THSD7A: variants seen among roughly 807,000 people sequenced by gnomAD.
The protein encoded by THSD7A is thrombospondin type-1 domain-containing protein 7A.
A neutral mutation model predicts 231.3 loss-of-function variants in THSD7A; 96 were observed. The observed-to-expected ratio is 0.41, with a 90% CI of 0.35 to 0.49. THSD7A has a LOEUF of 0.49. Among genes scored for constraint, THSD7A ranks in the 20% least tolerant of loss-of-function variants. The probability of loss-of-function intolerance (pLI) is 0.05; values close to 1 mark genes in which losing one functional copy is unlikely to be tolerated. For missense variants in THSD7A, 2,290 were observed against 2,070.2 expected, an observed-to-expected ratio of 1.11 and a Z score of -2.06; for synonymous variants, 940 against 743.3, an observed-to-expected ratio of 1.26 and a Z score of -4.30.
intron 2 of THSD7A, among the ~76,000 whole-genome samples, chr7:11,609,337 C>G (rs1164302483): frequency 1.3e-5 from 2 of 152,018 alleles, no homozygotes; most frequent in African/African-American, 2.4e-5. Flanking sequence ...TGCCCCGGCC[C>G]ATGAAACCTT....
intron 1 of THSD7A, among the ~76,000 whole-genome samples, chr7:11,714,129 G>T (rs1781055385): frequency 6.6e-6 from 1 of 151,216 alleles, no homozygotes; most frequent in South Asian, 2.1e-4. Flanking sequence ...TGTTTTCAAG[G>T]CACTTGTAGT....
At position 11,515,481 on chromosome 7, in the gene THSD7A, C is replaced by T. The variant is rs186587438; in HGVS notation, c.1822+25938G>A. Among the ~76,000 whole-genome samples, 573 of 152,046 alleles carry T rather than the reference C, an allele frequency of 3.8e-3. 4 individuals carry two copies. Among genetic ancestry groups the T allele is most frequent in the Middle Eastern group, 6.8e-3 (2 of 294 alleles). On this transcript the variant is annotated intron_variant, in intron 6 of 27. Transcript: ENST00000423059. ...GCAGATAATTTAATAATCCATAGTG[C>T]CATAAATAAGCACAATATCAACAAT...
intron 4 of THSD7A, among the ~76,000 whole-genome samples, chr7:11,588,620 AGC>A (rs1780016379): frequency 6.6e-6 from 1 of 151,688 alleles, no homozygotes; most frequent in Admixed American, 6.6e-5. Flanking sequence ...GGTTGGGGGG[AGC>A]TCTAAAAGAA....
At chr7:11,690,033 A>G (rs929843961) in intron 1 of THSD7A, among the ~76,000 whole-genome samples, 3 of 151,924 alleles carry the variant, frequency 2.0e-5, no homozygotes, top group African/African-American at 7.2e-5. Context: ...TAAGTACTCA[A>G]TATGACCATA....
intron 1 of THSD7A, among the ~76,000 whole-genome samples, chr7:11,678,881 CAG>C (rs1307635342): frequency 2.0e-5 from 3 of 152,128 alleles, no homozygotes; most frequent in Admixed American, 6.5e-5. Flanking sequence ...CAAAACCTGG[CAG>C]AGTCATAACA....
At chr7:11,768,703 T>C (rs942800560) in intron 1 of THSD7A, among the ~76,000 whole-genome samples, 1 of 152,198 alleles carries the variant, frequency 6.6e-6, no homozygotes, top group African/African-American at 2.4e-5. Flanking sequence ...TATACCTTAG[T>C]TTGATAAGAA....
intron 11 of THSD7A, among the ~76,000 whole-genome samples, chr7:11,447,692 G>A (rs1387345232): frequency 6.6e-6 from 1 of 152,070 alleles, no homozygotes; most frequent in East Asian, 1.9e-4. Flanking sequence ...TTAATTATAT[G>A]TATTCAGGGT....
chr7:11,720,991 A>G (rs1781331212), intron 1 of THSD7A, among the ~76,000 whole-genome samples: 1 of 151,672 alleles, frequency 6.6e-6, no homozygotes, highest in Non-Finnish European at 1.5e-5. Context: ...GAGTGATTTC[A>G]TATAATCTTG....
chr7:11,549,809 T>A, intron 4 of THSD7A, among the ~76,000 whole-genome samples: 1 of 152,024 alleles, frequency 6.6e-6, no homozygotes, highest in Non-Finnish European at 1.5e-5. Flanking sequence ...AAATATCTAA[T>A]ATATGTTGGG....
intron 7 of THSD7A, among the ~76,000 whole-genome samples, chr7:11,479,887 AT>A (rs1786351727): frequency 6.6e-6 from 1 of 152,202 alleles, no homozygotes; most frequent in Non-Finnish European, 1.5e-5. Flanking sequence ...ACAATAATGT[AT>A]TATATATTTC....
Position 11,637,541 on chromosome 7 carries a change from C to CA in THSD7A, c.191-581dup, listed in dbSNP as rs71027420. The stretch of plus-strand genomic sequence containing the variant: ...CTCTCTGGTTATCAAAACTAAGAAG[C>CA]AAAAATCTTCATTTACACACATTCT... On this transcript the variant is annotated intron_variant, in intron 1 of 27. Transcript: ENST00000423059. The surrounding 1 kb of genome is among the most constrained non-coding windows in gnomAD (Gnocchi z 4.2). Among the ~76,000 whole-genome samples, 35,992 of 151,992 alleles carry CA rather than the reference C, an allele frequency of 0.24. 4,593 individuals carry two copies. Among genetic ancestry groups the CA allele is most frequent in the Admixed American group, 0.31 (4,767 of 15,270 alleles).
At chr7:11,437,593 C>A (rs7807165) in intron 13 of THSD7A, among the ~76,000 whole-genome samples, 32,338 of 151,962 alleles carry the variant, frequency 0.21, 3,999 homozygotes, top group African/African-American at 0.35. Context: ...ATCTGAAATG[C>A]ATTAGACATT....
chr7:11,416,360 AAT>A (rs1433958842), intron 17 of THSD7A, among the ~76,000 whole-genome samples: 10 of 152,224 alleles, frequency 6.6e-5, no homozygotes, highest in Non-Finnish European at 1.2e-4. Context: ...ATCTCTTCAT[AAT>A]ATGATATCTG....
At chr7:11,466,786 C>G (rs1351135163) in intron 9 of THSD7A, among the ~76,000 whole-genome samples, 1 of 152,068 alleles carries the variant, frequency 6.6e-6, no homozygotes. Flanking sequence ...CATTTTTGCA[C>G]TCTCTTGCCA....
At chr7:11,633,288 G>C (rs907112537) in intron 2 of THSD7A, among the ~76,000 whole-genome samples, 1 of 152,090 alleles carries the variant, frequency 6.6e-6, no homozygotes. Context: ...TGGTTTACAG[G>C]GAAGCTTCCT....
rs1782135205 is a variant in THSD7A, at chr7:11,373,365, G to C, written c.*2429C>G. ...CTTTCTTAACTATTTTGGACAAATG[G>C]AGTTTATTTTATTCAAAGAGATCAA... On this transcript the variant is annotated 3_prime_UTR_variant, in exon 28 of 28. Transcript: ENST00000423059. The C allele has an allele frequency of 6.6e-6, 1 of 151,834 alleles. No homozygotes were observed. The allele number at this position is 151,834 out of a possible 1,614,324, so 9.4% of individuals were successfully genotyped here.
chr7:11,383,955 A>G (rs2115306312), intron 23 of THSD7A: 1 of 152,126 alleles, frequency 6.6e-6, no homozygotes, highest in East Asian at 1.9e-4. Context: ...TAAGATTGCA[A>G]TAAGATGAAT....
At chr7:11,768,327 T>C (rs1391238210) in intron 1 of THSD7A, among the ~76,000 whole-genome samples, 3 of 152,066 alleles carry the variant, frequency 2.0e-5, no homozygotes, top group Non-Finnish European at 4.4e-5. Flanking sequence ...CCTAATAAGT[T>C]CTCCGTGTTT....
intron 2 of THSD7A, among the ~76,000 whole-genome samples, chr7:11,598,841 A>T (rs1472146630): frequency 2.6e-5 from 4 of 152,118 alleles, no homozygotes; most frequent in Non-Finnish European, 4.4e-5. Context: ...TAGAGGTCTT[A>T]GTTCCAGAGA....
Sources: allele counts gnomAD v4.1 joint callset (sites outside exome capture counted in the v4.1 genomes callset), GRCh38; gene constraint gnomAD v4.1.1; non-coding constraint Gnocchi (gnomAD v3.1); transcripts MANE v1.5; gene names NCBI Gene and HGNC (gene_info 2026-07-23, HGNC 2026-07-21).